Variants in SCN2A observed in about 807,000 individuals in gnomAD.
SCN2A encodes the protein sodium voltage-gated channel alpha subunit 2, also known as sodium channel protein type 2 subunit alpha.
A neutral mutation model predicts 188.7 loss-of-function variants in SCN2A; 20 were observed. That is an observed-to-expected ratio of 0.11 (90% CI 0.07 to 0.15). The LOEUF (loss-of-function observed/expected upper bound fraction) is 0.15, where lower values mean the gene tolerates loss of function less well. SCN2A is among the 10% of genes least tolerant of loss of function. The probability of loss-of-function intolerance (pLI) is 1.00; values close to 1 mark genes in which losing one functional copy is unlikely to be tolerated. For missense variants in SCN2A, 1,278 were observed against 2,445.0 expected (o/e 0.52, Z 10.07); for synonymous variants, 804 against 833.1 (o/e 0.97, Z 0.60).
intron 1 of SCN2A, among the ~76,000 whole-genome samples, chr2:165,291,348 GTTCGTTCCTTCC>G (rs1484736491): frequency 0.098 from 8,038 of 82,134 alleles, 612 homozygotes; most frequent in East Asian, 0.12. Flanking sequence ...CTTGTCTGTC[GTTCGTTCCTTCC>G]TTCCTTCCTT....
chr2:165,297,939 T>C (rs1696596045), intron 3 of SCN2A, among the ~76,000 whole-genome samples: 1 of 152,138 alleles, frequency 6.6e-6, no homozygotes, highest in Admixed American at 6.5e-5. Context: ...AATAGAGTAG[T>C]TGGAAATGAG....
intron 17 of SCN2A, among the ~76,000 whole-genome samples, chr2:165,360,837 A>G (rs555784176): frequency 2.0e-5 from 3 of 151,938 alleles, no homozygotes; most frequent in Non-Finnish European, 4.4e-5. Context: ...TATTTTGGTC[A>G]CTTACTAATG....
At chr2:165,263,526 C>G (rs893225748) in intron 1 of SCN2A, among the ~76,000 whole-genome samples, 1 of 151,654 alleles carries the variant, frequency 6.6e-6, no homozygotes, top group East Asian at 1.9e-4. Flanking sequence ...TTTGTCAAAG[C>G]TGTAAACATT....
chr2:165,245,607 A>T (rs1042328574), intron 1 of SCN2A, among the ~76,000 whole-genome samples: 5 of 152,150 alleles, frequency 3.3e-5, no homozygotes, highest in Non-Finnish European at 5.9e-5. Flanking sequence ...GAGTGCTTAG[A>T]CCTACACTTA....
At chr2:165,322,954 G>C (rs1698149599) in intron 11 of SCN2A, among the ~76,000 whole-genome samples, 1 of 152,164 alleles carries the variant, frequency 6.6e-6, no homozygotes, top group African/African-American at 2.4e-5. Context: ...GAAAAAGCGA[G>C]AGTGAAATAG....
intron 3 of SCN2A, among the ~76,000 whole-genome samples, chr2:165,304,312 C>T (rs528321438): frequency 7.2e-5 from 11 of 152,150 alleles, no homozygotes; most frequent in Non-Finnish European, 1.6e-4. Flanking sequence ...CCGGGCTGGT[C>T]TCAAACTCCT....
intron 1 of SCN2A, among the ~76,000 whole-genome samples, chr2:165,287,599 C>T (rs989612800): frequency 1.3e-5 from 2 of 152,044 alleles, no homozygotes; most frequent in African/African-American, 4.8e-5. Flanking sequence ...TAGTAACCAC[C>T]TGACCGTCAT....
chr2:165,301,355 A>C (rs932398163), intron 3 of SCN2A, among the ~76,000 whole-genome samples: 2 of 152,180 alleles, frequency 1.3e-5, no homozygotes, highest in African/African-American at 4.8e-5. Flanking sequence ...ACATTGGACT[A>C]GGCTGCCAAA....
intron 17 of SCN2A, among the ~76,000 whole-genome samples, chr2:165,357,319 A>G (rs984668483): frequency 6.6e-6 from 1 of 152,144 alleles, no homozygotes; most frequent in East Asian, 1.9e-4. Flanking sequence ...GGGGGACAGG[A>G]TTACATTGTT....
chr2:165,341,857 G>A (rs1699339242), intron 14 of SCN2A, among the ~76,000 whole-genome samples: 1 of 152,182 alleles, frequency 6.6e-6, no homozygotes, highest in African/African-American at 2.4e-5. Context: ...AGAGCTAGCC[G>A]TGAGCATGTT....
At chr2:165,386,464 A>G (rs1192423697) in intron 25 of SCN2A, among the ~76,000 whole-genome samples, 1 of 151,658 alleles carries the variant, frequency 6.6e-6, no homozygotes, top group Non-Finnish European at 1.5e-5. Flanking sequence ...ACTCCATCTC[A>G]AAAAATAAAA....
intron 1 of SCN2A, among the ~76,000 whole-genome samples, chr2:165,258,621 G>T (rs540176850): frequency 3.9e-4 from 59 of 152,306 alleles, no homozygotes; most frequent in Non-Finnish European, 6.8e-4. Flanking sequence ...CTACCATAAA[G>T]ACACATGCAC....
At chr2:165,340,849 C>T (rs1336095517) in intron 14 of SCN2A, among the ~76,000 whole-genome samples, 1 of 152,004 alleles carries the variant, frequency 6.6e-6, no homozygotes, top group Non-Finnish European at 1.5e-5. Flanking sequence ...GGCAAGCAAG[C>T]AAGATAATTG....
intron 14 of SCN2A, among the ~76,000 whole-genome samples, chr2:165,336,422 A>G (rs1259437003): frequency 3.9e-5 from 6 of 152,144 alleles, no homozygotes; most frequent in Middle Eastern, 3.4e-3. Context: ...AAGTATTGCT[A>G]CAATCTACAA....
intron 1 of SCN2A, among the ~76,000 whole-genome samples, chr2:165,256,881 T>C (rs1163166232): frequency 1.3e-5 from 2 of 152,250 alleles, no homozygotes; most frequent in African/African-American, 4.8e-5. Context: ...CTATCAAATA[T>C]TGCTTATTTC....
chr2:165,368,394 A>G (rs933077909), intron 19 of SCN2A, among the ~76,000 whole-genome samples: 7 of 152,142 alleles, frequency 4.6e-5, no homozygotes, highest in Non-Finnish European at 1.0e-4. Context: ...AAGTGAGAAA[A>G]CAGGGATGTA....
chr2:165,275,352 T>G (rs527306324), intron 1 of SCN2A, among the ~76,000 whole-genome samples: 1 of 152,280 alleles, frequency 6.6e-6, no homozygotes, highest in Non-Finnish European at 1.5e-5. Context: ...TCCCCAACCC[T>G]GATTATTTTT....
rs1270743491 is a variant in SCN2A at position 165,291,519 on chromosome 2, C to CTTTCTTTT, written c.-51-4254_-51-4253insTTTCTTTT. 3.0e-3 allele frequency among the ~76,000 whole-genome samples: 156 copies of CTTTCTTTT among 51,618 alleles called. 5 individuals carry two copies. Among genetic ancestry groups the CTTTCTTTT allele is most frequent in the East Asian group, 8.0e-3 (11 of 1,368 alleles). The allele number at this position is 51,618 out of a possible 152,430, so 33.9% of individuals were successfully genotyped here. ...TCTTTCTTTCTTTCTTTCTTCCTCTCCTTTCTTTCCTTCCTTCCTTCCTTC... is the reference window on the plus strand; with the variant it reads ...TCTTTCTTTCTTTCTTTCTTCCTCTCTTTCTTTTCTTTCTTTCCTTCCTTCCTTCCTTC... On this transcript the variant is annotated intron_variant, in intron 1 of 26. Coordinates refer to ENST00000375437, the MANE Select transcript of SCN2A (RefSeq NM_001040142.2).
intron 1 of SCN2A, among the ~76,000 whole-genome samples, chr2:165,295,100 C>T (rs926921676): frequency 2.6e-5 from 4 of 152,126 alleles, no homozygotes; most frequent in Non-Finnish European, 4.4e-5. Flanking sequence ...ACTTCCTGCC[C>T]GGTTTGGCAG....
Sources: gnomAD v4.1 joint callset for allele counts (sites outside exome capture counted in the v4.1 genomes callset) on GRCh38, gnomAD v4.1.1 for gene constraint, MANE v1.5 for transcripts, NCBI Gene and HGNC (gene_info 2026-07-23, HGNC 2026-07-21) for gene names.